Variants in ENTPD4 observed in about 807,000 individuals in gnomAD.
ENTPD4 encodes the protein ectonucleoside triphosphate diphosphohydrolase 4, also known as Golgi UDPase.
A neutral mutation model predicts 79.1 loss-of-function variants in ENTPD4; 60 were observed. The ratio of observed to expected loss-of-function variants is 0.76; its 90% CI spans 0.62 to 0.94. The LOEUF (loss-of-function observed/expected upper bound fraction) is 0.94. Ranked by LOEUF, ENTPD4 falls within the 40% of genes least tolerant of loss-of-function variation. ENTPD4 has a pLI of 0.00. For missense variants in ENTPD4, 772 were observed against 775.1 expected, an observed-to-expected ratio of 1.00 and a Z score of 0.05; for synonymous variants, 276 against 292.0, an observed-to-expected ratio of 0.95 and a Z score of 0.56.
chr8:23,442,985 T>G (rs1800700420), intron 6 of ENTPD4, among the ~76,000 whole-genome samples: 1 of 152,154 alleles, frequency 6.6e-6, no homozygotes, highest in East Asian at 1.9e-4. Flanking sequence ...ACATTTGTGT[T>G]TCTCTGTCCA....
chr8:23,438,202 T>A (rs191070220), intron 9 of ENTPD4, among the ~76,000 whole-genome samples: 49 of 152,336 alleles, frequency 3.2e-4, no homozygotes, highest in African/African-American at 1.2e-3. Flanking sequence ...TCTCAAGTGA[T>A]GTTGGTGTTG....
intron 9 of ENTPD4, 108 bp downstream of exon 9, chr8:23,439,641 T>C: frequency 1.0e-6 from 1 of 999,958 alleles, no homozygotes; most frequent in South Asian, 1.5e-5. Flanking sequence ...AAGCTAACAG[T>C]GCAACACACT....
intron 4 of ENTPD4, among the ~76,000 whole-genome samples, chr8:23,446,707 T>C (rs538517134): frequency 6.6e-6 from 1 of 152,270 alleles, no homozygotes; most frequent in East Asian, 1.9e-4. Context: ...GGGTCTGAAT[T>C]ATTCCGTAAA....
chr8:23,431,683 T>G lies in ENTPD4; in HGVS notation c.*1243A>C. 1.0e-6 allele frequency: 1 copy of G among 985,340 alleles called. No individual in the cohort carries two copies. The highest frequency in any genetic ancestry group is 4.7e-5 in the South Asian group (1 of 21,276). The allele number at this position is 985,340 out of a possible 1,614,324, so 61.0% of individuals were successfully genotyped here. A position where few individuals can be genotyped will look rare whatever the true frequency, so the allele number is the denominator to read the frequency against. On this transcript the variant is annotated 3_prime_UTR_variant, in exon 13 of 13. Coordinates refer to ENST00000358689, the MANE Select transcript of ENTPD4 (RefSeq NM_004901.5). ...GTACGATTAAAAGCTGAGATGACTTTTAATTAAGGGGGGTGGGGGAAACAC... is the reference window on the plus strand; with the variant it reads ...GTACGATTAAAAGCTGAGATGACTTGTAATTAAGGGGGGTGGGGGAAACAC...
Position 23,441,670 on chromosome 8 carries a change from T to C in ENTPD4, c.781A>G (p.Ile261Val), listed in dbSNP as rs749490933. Residue 261 changes from isoleucine (I) to valine (V), a missense_variant, in exon 8 of 13, where the codon ATT (isoleucine) becomes GTT (valine). Physicochemically the swap from Ile to Val is conservative, Grantham distance 29. Transcript: ENST00000358689. ...ATGCCCGCTGTCCTTTTACGGACAA[T>C]GGCTTCGCTGCTTTCACTTCCAGGA... The part of the protein sequence containing the change: ...NIPGSESSEA[I>V]VRKRTAGILD... The C allele has an allele frequency of 1.9e-6, 3 of 1,614,036 alleles. No homozygotes were observed. In the African/African-American group the frequency reaches 4.0e-5, roughly 22 times the overall value.
intron 1 of ENTPD4, among the ~76,000 whole-genome samples, chr8:23,454,371 C>G (rs1230169349): frequency 6.6e-6 from 1 of 152,152 alleles, no homozygotes; most frequent in Non-Finnish European, 1.5e-5. Context: ...TAAAGGCAAA[C>G]TGGTCCTTGA....
chr8:23,441,183 A>C (rs1800662126), intron 8 of ENTPD4, among the ~76,000 whole-genome samples: 2 of 152,228 alleles, frequency 1.3e-5, no homozygotes, highest in Admixed American at 1.3e-4. Flanking sequence ...TCCCCAAGGA[A>C]GCTCAAAGTC....
chr8:23,437,064 C>A lies in ENTPD4; in HGVS notation c.1244G>T (p.Gly415Val). Residue 415 changes from glycine to valine, a missense_variant, in exon 10 of 13, where the codon GGG becomes GTG. Transcript: ENST00000358689. ...GAAGTGAATTGGGGGCTGGTAGACC[C>A]CATTGAGGGAAGTCTGGGTCTCGTT... ...KTNETQTSLN[G>V]VYQPPIHFQN... 3 of 1,614,130 alleles carry A rather than the reference C, an allele frequency of 1.9e-6. No individual in the cohort carries two copies. The African/African-American group carries it at 4.0e-5, about 22-fold the overall frequency.
chr8:23,451,061 G>A (rs1260033375), intron 1 of ENTPD4, among the ~76,000 whole-genome samples: 2 of 137,818 alleles, frequency 1.5e-5, no homozygotes, highest in African/African-American at 2.8e-5. Context: ...TGCTCTTGTC[G>A]CCCAGGCTGG....
In ENTPD4 at chr8:23,430,063, A is replaced by C; in HGVS notation, c.*2863T>G. The C allele has an allele frequency of 3.0e-6, 3 of 985,448 alleles. No individual in the cohort carries two copies. The highest frequency in any genetic ancestry group is 3.6e-6 in the Non-Finnish European group (3 of 829,936). 61.0% of individuals were successfully genotyped at this position (985,448 alleles called of 1,614,324 possible). A position where few individuals can be genotyped will look rare whatever the true frequency, so the allele number is the denominator to read the frequency against. On this transcript the variant is annotated 3_prime_UTR_variant, in exon 13 of 13. Coordinates refer to ENST00000358689, the MANE Select transcript of ENTPD4 (RefSeq NM_004901.5). ...GTCCAATTTCTTCTGCTACAAGTAC[A>C]CAGAATTTACTGCCTTCTTGGTCAG...
intron 3 of ENTPD4, among the ~76,000 whole-genome samples, chr8:23,448,262 T>C (rs1252510703): frequency 3.3e-5 from 5 of 152,386 alleles, no homozygotes; most frequent in Middle Eastern, 3.4e-3. Context: ...TCAAATGGTT[T>C]AACTGTTCAT....
In ENTPD4 at chr8:23,431,001, G is replaced by A. The variant is rs977170189; in HGVS notation, c.*1925C>T. On this transcript the variant is annotated 3_prime_UTR_variant, in exon 13 of 13. Coordinates refer to ENST00000358689, the MANE Select transcript of ENTPD4 (RefSeq NM_004901.5). ...CAGAGCCTGGGTCCCCAGGCTGCTG[G>A]TAACACGCTTTGAAATCCAGGTGAG... 2.0e-6 allele frequency: 2 copies of A among 982,998 alleles called. No individual in the cohort carries two copies. The highest frequency in any genetic ancestry group is 2.4e-6 in the Non-Finnish European group (2 of 827,860). The allele number at this position is 982,998 out of a possible 1,614,324, so 60.9% of individuals were successfully genotyped here.
rs761432887 is a variant in ENTPD4 at position 23,448,707 on chromosome 8, TTC to T, written c.206+33_206+34del. ...AAACAGGTAAGACAGAAGGTAAGGC[TTC>T]TGGTCTAGAAAGCAAATGTTTTTAT... is the stretch of plus-strand genomic sequence containing the variant. On this transcript the variant is annotated intron_variant, in intron 3 of 12. Coordinates refer to ENST00000358689, the MANE Select transcript of ENTPD4 (RefSeq NM_004901.5). 8.3e-6 allele frequency: 13 copies of T among 1,570,684 alleles called. No individual in the cohort carries two copies. The South Asian group carries it at 1.3e-4, about 16-fold the overall frequency.
chr8:23,447,587 G>T, intron 4 of ENTPD4, 93 bp downstream of exon 4: 1 of 1,009,582 alleles, frequency 9.9e-7, no homozygotes, highest in Non-Finnish European at 1.6e-6. Context: ...GTTTGACTCA[G>T]GGCCATGGTG....
At position 23,430,997 on chromosome 8, in the gene ENTPD4, G is replaced by A. The variant is rs767141819; in HGVS notation, c.*1929C>T. The stretch of plus-strand genomic sequence containing the variant: ...GAGGCAGAGCCTGGGTCCCCAGGCT[G>A]CTGGTAACACGCTTTGAAATCCAGG... On this transcript the variant is annotated 3_prime_UTR_variant, in exon 13 of 13. Transcript: ENST00000358689. The A allele has an allele frequency of 1.9e-5, 19 of 980,486 alleles. No homozygotes were observed. The highest frequency in any genetic ancestry group is 2.2e-5 in the Non-Finnish European group (18 of 825,440). 60.7% of individuals were successfully genotyped at this position (980,486 alleles called of 1,614,324 possible). A position where few individuals can be genotyped will look rare whatever the true frequency, so the allele number is the denominator to read the frequency against.
chr8:23,434,963 A>G (rs1800529313), intron 11 of ENTPD4, among the ~76,000 whole-genome samples: 1 of 152,248 alleles, frequency 6.6e-6, no homozygotes, highest in African/African-American at 2.4e-5. Context: ...CAGTGTCTGC[A>G]CTTAAGTGAC....
In ENTPD4 at chr8:23,452,045, T is replaced by A. The variant is rs573303942; in HGVS notation, c.-97-2048A>T. ...AGACAGATACTATTATCACAACACT[T>A]TATGGATGAGGCAGAGAGGCTAAGT... On this transcript the variant is annotated intron_variant, in intron 1 of 12. Transcript: ENST00000358689. Among the ~76,000 whole-genome samples the A allele has an allele frequency of 3.3e-5, 5 of 152,300 alleles. No homozygotes were observed. In the East Asian group the frequency reaches 9.6e-4, roughly 29 times the overall value.
Position 23,448,824 on chromosome 8 carries a change from C to T in ENTPD4, c.124G>A (p.Ala42Thr), listed in dbSNP as rs1221521047. 4 of 1,614,000 alleles carry T rather than the reference C, an allele frequency of 2.5e-6. No homozygotes were observed. In the African/African-American group the frequency reaches 5.3e-5, roughly 22 times the overall value. The change falls in exon 3 of 13, where the codon GCT becomes ACT. Residue 42 changes from alanine (A) to threonine (T), a missense_variant. By Grantham distance (58) the Ala-to-Thr change is moderately conservative. Transcript: ENST00000358689. ...RQIMVISVLA[A>T]AVSLLYFSVV... ...GAAAAATATAAAAGTGAAACAGCAG[C>T]AGCCAGGACACTAATGACCATAATT...
chr8:23,432,461 G>A lies in ENTPD4; in HGVS notation c.*465C>T, dbSNP rs1800471452. On this transcript the variant is annotated 3_prime_UTR_variant, in exon 13 of 13. Transcript: ENST00000358689. Reference sequence around the variant, plus strand: ...TCAATTTAATGCTGTACTCAAAATGGCTAAACGCAATACTTCTAGACAGCA... The same window carrying A: ...TCAATTTAATGCTGTACTCAAAATGACTAAACGCAATACTTCTAGACAGCA... 1 of 986,496 alleles carries A rather than the reference G, an allele frequency of 1.0e-6. No homozygotes were observed. Among genetic ancestry groups the A allele is most frequent in the Admixed American group, 6.1e-5 (1 of 16,416 alleles). The allele number at this position is 986,496 out of a possible 1,614,324, so 61.1% of individuals were successfully genotyped here.
Sources: allele counts gnomAD v4.1 joint callset (sites outside exome capture counted in the v4.1 genomes callset), GRCh38; gene constraint gnomAD v4.1.1; transcripts MANE v1.5; gene names NCBI Gene and HGNC (gene_info 2026-07-23, HGNC 2026-07-21).